NLK: variants seen among roughly 807,000 people sequenced by gnomAD.
The protein encoded by NLK is nemo like kinase.
NLK carries 11 observed loss-of-function variants against 59.0 expected under a neutral mutation model. That is an observed-to-expected ratio of 0.19 (90% CI 0.12 to 0.31). The LOEUF is 0.31. Among genes scored for constraint, NLK ranks in the 10% least tolerant of loss-of-function variants. The pLI is 1.00. For synonymous variants in NLK, 235 were observed against 235.9 expected, an observed-to-expected ratio of 1.00 and a Z score of 0.03; for missense variants, 410 against 661.1, an observed-to-expected ratio of 0.62 and a Z score of 4.16.
intron 3 of NLK, among the ~76,000 whole-genome samples, chr17:28,150,657 C>G (rs558988264): frequency 6.6e-5 from 10 of 152,304 alleles, no homozygotes; most frequent in Admixed American, 5.2e-4. Flanking sequence ...CCCCCGCCCC[C>G]ACTAAAACAC....
chr17:28,125,318 T>C (rs1210278272), intron 2 of NLK, among the ~76,000 whole-genome samples: 2 of 152,234 alleles, frequency 1.3e-5, no homozygotes, highest in African/African-American at 2.4e-5. Flanking sequence ...AGAGCTGTGC[T>C]TTAAAGTCAG....
intron 2 of NLK, among the ~76,000 whole-genome samples, chr17:28,125,523 G>A (rs909378742): frequency 9.9e-5 from 15 of 152,216 alleles, no homozygotes; most frequent in African/African-American, 3.6e-4. Flanking sequence ...TGAAACTACT[G>A]AGCTCTATCA....
At chr17:28,198,228 C>T (rs1034255269), downstream of NLK, among the ~76,000 whole-genome samples, 4 of 152,108 alleles carry the variant, frequency 2.6e-5, no homozygotes, top group Non-Finnish European at 4.4e-5. Flanking sequence ...GCTCAACCTC[C>T]GAGGCTCAAG....
At chr17:28,091,503 A>G (rs190806881) in intron 1 of NLK, among the ~76,000 whole-genome samples, 13 of 151,494 alleles carry the variant, frequency 8.6e-5, no homozygotes, top group African/African-American at 3.1e-4. Flanking sequence ...ACACACACAT[A>G]TATAAAATCA....
intron 9 of NLK, 40 bp from the exon 10 acceptor site, chr17:28,192,080 C>T: frequency 7.8e-7 from 1 of 1,274,314 alleles, no homozygotes; most frequent in Non-Finnish European, 1.1e-6. Flanking sequence ...CCCGGGCTTG[C>T]AAATTGTCAT....
chr17:28,091,027 A>G (rs1904473511), intron 1 of NLK, among the ~76,000 whole-genome samples: 1 of 152,164 alleles, frequency 6.6e-6, no homozygotes, highest in Non-Finnish European at 1.5e-5. Flanking sequence ...TACTATATAT[A>G]TGAAATAAAT....
In NLK at chr17:28,146,857, T is replaced by G. The variant is rs140124074; in HGVS notation, c.644+14182T>G. ...CACTAAGACCTTTGACTAATTTCTT[T>G]ACCTCTCTAAACCTCTTTGCTCTGT... On this transcript the variant is annotated intron_variant, in intron 3 of 10. Transcript: ENST00000407008. Among the ~76,000 whole-genome samples, 105 of 152,332 alleles carry G rather than the reference T, an allele frequency of 6.9e-4. 1 individual carries two copies. The East Asian group carries it at 0.019, about 28-fold the overall frequency.
chr17:28,052,053 G>A (rs958084172), intron 1 of NLK, among the ~76,000 whole-genome samples: 8 of 151,902 alleles, frequency 5.3e-5, no homozygotes, highest in African/African-American at 1.9e-4. Context: ...CTATTACTGA[G>A]TTATTGGTAA....
chr17:28,050,879 C>T (rs1163638192), intron 1 of NLK, among the ~76,000 whole-genome samples: 2 of 151,808 alleles, frequency 1.3e-5, no homozygotes, highest in Non-Finnish European at 2.9e-5. Context: ...CTGAGGTGGG[C>T]ATATCACTTC....
intron 1 of NLK, among the ~76,000 whole-genome samples, chr17:28,063,074 G>A (rs1307139428): frequency 1.3e-5 from 2 of 152,024 alleles, no homozygotes; most frequent in African/African-American, 4.8e-5. Flanking sequence ...TGGGACTATA[G>A]GCGTACACCA....
intron 5 of NLK, among the ~76,000 whole-genome samples, chr17:28,166,727 C>T (rs1179727123): frequency 3.9e-5 from 6 of 152,096 alleles, no homozygotes; most frequent in African/African-American, 4.8e-5. Context: ...GGTGGTGGCA[C>T]GGCTGCTGTT....
chr17:28,148,164 G>A (rs941889556), intron 3 of NLK, among the ~76,000 whole-genome samples: 79 of 152,174 alleles, frequency 5.2e-4, no homozygotes, highest in Non-Finnish European at 1.0e-3. Context: ...GGCCTGTCCT[G>A]TATTTCCAGC....
At chr17:28,163,001 T>TGAAG (rs1471821641) in intron 4 of NLK, among the ~76,000 whole-genome samples, 1 of 152,166 alleles carries the variant, frequency 6.6e-6, no homozygotes, top group African/African-American at 2.4e-5. Context: ...CAGTACTGAA[T>TGAAG]GAAGACACTG....
chr17:28,166,602 A>G (rs1380321728), intron 5 of NLK, among the ~76,000 whole-genome samples: 1 of 152,204 alleles, frequency 6.6e-6, no homozygotes, highest in Non-Finnish European at 1.5e-5. Flanking sequence ...AATCAGTGAG[A>G]ACACTGGAGC....
At chr17:28,086,012 A>G (rs1910505755) in intron 1 of NLK, among the ~76,000 whole-genome samples, 1 of 152,168 alleles carries the variant, frequency 6.6e-6, no homozygotes, top group South Asian at 2.1e-4. Context: ...CTAATGACGC[A>G]TTTCTCAGAA....
At chr17:28,117,412 C>T (rs1409423672) in intron 1 of NLK, among the ~76,000 whole-genome samples, 1 of 152,122 alleles carries the variant, frequency 6.6e-6, no homozygotes, top group Non-Finnish European at 1.5e-5. Flanking sequence ...GGATGGCTTA[C>T]CTGTTGCTTA....
chr17:28,200,849 C>T (rs754179874), downstream of NLK, among the ~76,000 whole-genome samples: 1 of 152,034 alleles, frequency 6.6e-6, no homozygotes, highest in East Asian at 1.9e-4. Flanking sequence ...TCCGTTTTAA[C>T]GCTTATACTG....
chr17:28,153,710 G>T (rs1597713358), intron 3 of NLK, among the ~76,000 whole-genome samples: 1 of 152,120 alleles, frequency 6.6e-6, no homozygotes, highest in Non-Finnish European at 1.5e-5. Context: ...CTGTGTAATG[G>T]TCCTTTGTTT....
chr17:28,130,423 G>A (rs947146688), intron 2 of NLK, among the ~76,000 whole-genome samples: 6 of 152,050 alleles, frequency 3.9e-5, no homozygotes, highest in East Asian at 1.9e-4. Flanking sequence ...AACAACAGGC[G>A]TTTAAAAAAT....
Sources: allele counts gnomAD v4.1 joint callset (sites outside exome capture counted in the v4.1 genomes callset), GRCh38; gene constraint gnomAD v4.1.1; transcripts MANE v1.5; gene names NCBI Gene and HGNC (gene_info 2026-07-23, HGNC 2026-07-21).